Variants in RBFOX1 observed in about 807,000 individuals in gnomAD.
The protein encoded by RBFOX1 is RNA binding fox-1 homolog 1.
RBFOX1 carries 8 observed loss-of-function variants against 57.7 expected under a neutral mutation model. That is an observed-to-expected ratio of 0.14 (90% CI 0.08 to 0.25). The LOEUF (loss-of-function observed/expected upper bound fraction) is 0.25. RBFOX1 is among the 10% of genes least tolerant of loss of function. The pLI is 1.00. For missense variants in RBFOX1, 611 were observed against 548.5 expected (o/e 1.11, Z -1.14); for synonymous variants, 326 against 222.4 (o/e 1.47, Z -4.15).
intron 3 of RBFOX1, among the ~76,000 whole-genome samples, chr16:5,607,436 C>A (rs2047625159): frequency 6.7e-6 from 1 of 148,622 alleles, no homozygotes; most frequent in South Asian, 2.1e-4. Flanking sequence ...TTGCTTTCTG[C>A]CAGATAAGAG....
intron 1 of RBFOX1, among the ~76,000 whole-genome samples, chr16:6,276,907 C>T (rs573708918): frequency 6.6e-6 from 1 of 151,770 alleles, no homozygotes; most frequent in Admixed American, 6.6e-5. Flanking sequence ...GCTTTATATT[C>T]GGTACTTAGA....
At chr16:7,192,426 G>T (rs979496046) in intron 4 of RBFOX1, among the ~76,000 whole-genome samples, 3 of 152,118 alleles carry the variant, frequency 2.0e-5, no homozygotes, top group African/African-American at 7.2e-5. Flanking sequence ...TGCCTATAGA[G>T]GCCAGAAGGG....
chr16:7,373,133 C>G (rs72771110), intron 4 of RBFOX1, among the ~76,000 whole-genome samples: 1 of 151,672 alleles, frequency 6.6e-6, no homozygotes, highest in Non-Finnish European at 1.5e-5. Context: ...GGTGTTTCAC[C>G]GTGTTAGCCA....
chr16:7,000,586 C>CTTTTTTT (rs149516490), intron 3 of RBFOX1, among the ~76,000 whole-genome samples: 5 of 95,844 alleles, frequency 5.2e-5, no homozygotes, highest in African/African-American at 1.7e-4. Flanking sequence ...TTTTTTCTTT[C>CTTTTTTT]TTTTTCTTTC....
chr16:7,474,060 G>C (rs1254008296), intron 4 of RBFOX1, among the ~76,000 whole-genome samples: 3 of 152,102 alleles, frequency 2.0e-5, no homozygotes, highest in South Asian at 4.1e-4. Context: ...AGGCTGAGGA[G>C]GGCGGATCAC....
chr16:5,331,091 A>G (rs1352914031), intron 1 of RBFOX1, among the ~76,000 whole-genome samples: 1 of 152,096 alleles, frequency 6.6e-6, no homozygotes, highest in African/African-American at 2.4e-5. Flanking sequence ...GAGAAAGGGG[A>G]GAGAGGGAGG....
intron 4 of RBFOX1, among the ~76,000 whole-genome samples, chr16:7,251,763 C>G (rs1163701828): frequency 6.6e-6 from 1 of 152,096 alleles, no homozygotes; most frequent in Admixed American, 6.6e-5. Context: ...GATTCCATAT[C>G]TTAGCTATAG....
chr16:6,135,772 G>A (rs2096662146), intron 1 of RBFOX1, among the ~76,000 whole-genome samples: 1 of 149,218 alleles, frequency 6.7e-6, no homozygotes, highest in African/African-American at 2.5e-5. Flanking sequence ...CCTGGAGATG[G>A]CACTCGTTTC....
intron 2 of RBFOX1, among the ~76,000 whole-genome samples, chr16:6,573,550 C>T (rs1057389582): frequency 5.9e-5 from 9 of 152,194 alleles, no homozygotes; most frequent in Non-Finnish European, 8.8e-5. Context: ...TGCATCTCCC[C>T]ATCCATCTTA....
At chr16:6,824,278 A>G (rs2091803553) in intron 3 of RBFOX1, among the ~76,000 whole-genome samples, 1 of 152,120 alleles carries the variant, frequency 6.6e-6, no homozygotes, top group South Asian at 2.1e-4. Flanking sequence ...GGTGGTTGGT[A>G]CCTGTAATCC....
chr16:7,205,517 A>T (rs1603067267), intron 4 of RBFOX1, among the ~76,000 whole-genome samples: 1 of 148,938 alleles, frequency 6.7e-6, no homozygotes, highest in East Asian at 2.0e-4. Flanking sequence ...TGTCTCAGGA[A>T]AAAAAAAAAA....
chr16:6,925,078 A>G (rs1355505722), intron 3 of RBFOX1, among the ~76,000 whole-genome samples: 1 of 119,716 alleles, frequency 8.4e-6, no homozygotes, highest in Non-Finnish European at 1.7e-5. Flanking sequence ...TTCTTAATCC[A>G]GTCTATCGTT....
At chr16:7,704,244 G>A (rs575094844) in intron 14 of RBFOX1, among the ~76,000 whole-genome samples, 1 of 152,194 alleles carries the variant, frequency 6.6e-6, no homozygotes, top group Non-Finnish European at 1.5e-5. Flanking sequence ...AAAAAGATGA[G>A]GTCTCATGAT....
chr16:7,362,533 AGT>A (rs2097348620), intron 4 of RBFOX1, among the ~76,000 whole-genome samples: 1 of 151,282 alleles, frequency 6.6e-6, no homozygotes, highest in Non-Finnish European at 1.5e-5. Flanking sequence ...CATGTGTGTC[AGT>A]GTGTAGATGT....
intron 1 of RBFOX1, among the ~76,000 whole-genome samples, chr16:6,087,502 G>A (rs78529203): frequency 0.015 from 2,352 of 152,088 alleles, 56 homozygotes; most frequent in African/African-American, 0.054. Context: ...TGGAAATTTG[G>A]AATCACTGTA....
chr16:6,998,667 C>A (rs1198652739), intron 3 of RBFOX1, among the ~76,000 whole-genome samples: 2 of 152,038 alleles, frequency 1.3e-5, no homozygotes, highest in Non-Finnish European at 2.9e-5. Flanking sequence ...GTGTTCCTTT[C>A]CCTCAGACTA....
intron 3 of RBFOX1, among the ~76,000 whole-genome samples, chr16:6,958,215 C>G (rs1025774872): frequency 1.3e-5 from 2 of 152,174 alleles, no homozygotes; most frequent in African/African-American, 2.4e-5. Flanking sequence ...TTCCAGTAAG[C>G]TTGGCCGTCT....
chr16:5,970,503 G>C lies in RBFOX1; in HGVS notation c.351+103168G>C, dbSNP rs573985388. 4.6e-5 allele frequency among the ~76,000 whole-genome samples: 7 copies of C among 152,246 alleles called. No homozygotes were observed. The South Asian group carries it at 1.2e-3, about 27-fold the overall frequency. On this transcript the variant is annotated intron_variant, in intron 4 of 19. Transcript: ENST00000641259. ...GGAACATTCTCTAGGTTCTAAGCCAGAATGCACGCTAATCACATTTCCAGT... is the reference window on the plus strand; with the variant it reads ...GGAACATTCTCTAGGTTCTAAGCCACAATGCACGCTAATCACATTTCCAGT...
chr16:6,311,853 T>C (rs1020074328), intron 1 of RBFOX1, among the ~76,000 whole-genome samples: 2 of 152,128 alleles, frequency 1.3e-5, no homozygotes, highest in African/African-American at 4.8e-5. Flanking sequence ...CCAGGTGTGA[T>C]GGGCACTAAC....
Sources: allele counts gnomAD v4.1 joint callset (sites outside exome capture counted in the v4.1 genomes callset), GRCh38; gene constraint gnomAD v4.1.1; transcripts MANE v1.5; gene names NCBI Gene and HGNC (gene_info 2026-07-23, HGNC 2026-07-21).